Variants in PAPPA observed in about 807,000 individuals in gnomAD.
The protein encoded by PAPPA is pappalysin-1.
A neutral mutation model predicts 164.0 loss-of-function variants in PAPPA; 60 were observed. The observed-to-expected ratio is 0.37, with a 90% confidence interval of 0.30 to 0.45. The LOEUF (loss-of-function observed/expected upper bound fraction) is 0.45, where lower values mean the gene tolerates loss of function less well. PAPPA is among the 20% of genes least tolerant of loss of function. The pLI is 1.00. For missense variants in PAPPA, 1,782 were observed against 2,087.3 expected (o/e 0.85, Z 2.85); for synonymous variants, 875 against 814.1 (o/e 1.07, Z -1.27).
At chr9:116,290,811 C>A (rs1187263016) in intron 9 of PAPPA, among the ~76,000 whole-genome samples, 2 of 151,798 alleles carry the variant, frequency 1.3e-5, no homozygotes, top group East Asian at 3.9e-4. Context: ...ACACTCTCTG[C>A]ATATCCATGT....
intron 4 of PAPPA, among the ~76,000 whole-genome samples, chr9:116,214,302 A>G (rs1844344589): frequency 6.6e-6 from 1 of 152,174 alleles, no homozygotes; most frequent in Non-Finnish European, 1.5e-5. Flanking sequence ...TACGTGTGAC[A>G]TGCCGGACAC....
intron 7 of PAPPA, among the ~76,000 whole-genome samples, chr9:116,259,445 A>G (rs1844975224): frequency 6.6e-6 from 1 of 152,158 alleles, no homozygotes; most frequent in Non-Finnish European, 1.5e-5. Context: ...ATACTTATGT[A>G]TTAATATAGA....
rs546894256 is a variant in PAPPA at position 116,288,294 on chromosome 9, G to A, written c.2954-14463G>A. On this transcript the variant is annotated intron_variant, in intron 9 of 21. Transcript: ENST00000328252. The stretch of plus-strand genomic sequence containing the variant: ...TGAGGCAAGAGAATCGCTTGAACCC[G>A]AGAGGCAGAGGTTGCAGTGAGCCAA... Among the ~76,000 whole-genome samples, 13 of 152,138 alleles carry A rather than the reference G, an allele frequency of 8.5e-5. No homozygotes were observed. In the East Asian group the frequency reaches 1.2e-3, roughly 14 times the overall value.
At chr9:116,302,629 G>A (rs1019054078) in intron 9 of PAPPA, 128 bp from the exon 10 acceptor site, 56 of 642,000 alleles carry the variant, frequency 8.7e-5, no homozygotes, top group Middle Eastern at 6.6e-4. Flanking sequence ...ATAGTCCATC[G>A]TGACTAATGT....
chr9:116,375,395 A>C (rs1289769553), intron 19 of PAPPA, among the ~76,000 whole-genome samples: 3 of 152,244 alleles, frequency 2.0e-5, no homozygotes, highest in South Asian at 2.1e-4. Context: ...TAGTGGCTAC[A>C]TTCAGCCTAT....
chr9:116,360,354 C>T (rs1221514936), intron 17 of PAPPA, among the ~76,000 whole-genome samples: 3 of 152,120 alleles, frequency 2.0e-5, no homozygotes, highest in African/African-American at 2.4e-5. Context: ...CTCTGCAAGC[C>T]GCCTTGCAGC....
rs73530063 is a variant in PAPPA at position 116,282,106 on chromosome 9, C to T, written c.2953+10690C>T. 3.0e-3 allele frequency among the ~76,000 whole-genome samples: 457 copies of T among 152,258 alleles called. 2 individuals carry two copies. Among genetic ancestry groups the T allele is most frequent in the African/African-American group, 0.01 (431 of 41,544 alleles). On this transcript the variant is annotated intron_variant, in intron 9 of 21. Coordinates refer to ENST00000328252, the MANE Select transcript of PAPPA (RefSeq NM_002581.5). ...ACAGTCATCCCTCAGTATCCTTGGGCGATTTCTGCCAGGACCTCTGTGAAC... is the reference window on the plus strand; with the variant it reads ...ACAGTCATCCCTCAGTATCCTTGGGTGATTTCTGCCAGGACCTCTGTGAAC...
intron 9 of PAPPA, among the ~76,000 whole-genome samples, chr9:116,292,769 T>G (rs1191723370): frequency 6.6e-6 from 1 of 152,162 alleles, no homozygotes; most frequent in Non-Finnish European, 1.5e-5. Flanking sequence ...GGTTTTAAAA[T>G]TTTTATTTAG....
At chr9:116,171,028 T>C (rs572917816) in intron 1 of PAPPA, among the ~76,000 whole-genome samples, 1 of 152,232 alleles carries the variant, frequency 6.6e-6, no homozygotes, top group Admixed American at 6.5e-5. Flanking sequence ...GGTAGTGCTC[T>C]GAGTCTGGAT....
At position 116,332,330 on chromosome 9, in the gene PAPPA, C is replaced by T; in HGVS notation, c.3262-3C>T. ...TGACCCTCCTACGTCTTCACAATTT[C>T]AGGCGTATTTTTCTCAACCAATGGT... is the stretch of plus-strand genomic sequence containing the variant. On this transcript the variant is annotated splice_region_variant and splice_polypyrimidine_tract_variant and intron_variant, in intron 11 of 21. Coordinates refer to ENST00000328252, the MANE Select transcript of PAPPA (RefSeq NM_002581.5). The T allele has an allele frequency of 6.2e-7, 1 of 1,611,810 alleles. No homozygotes were observed. Among genetic ancestry groups the T allele is most frequent in the South Asian group, 1.1e-5 (1 of 90,984 alleles).
chr9:116,229,346 C>G (rs551145898), intron 6 of PAPPA, among the ~76,000 whole-genome samples: 1 of 152,330 alleles, frequency 6.6e-6, no homozygotes, highest in South Asian at 2.1e-4. Context: ...TTTTTCCACT[C>G]TCATTCTCTC....
At chr9:116,320,194 A>G (rs886690957) in intron 10 of PAPPA, among the ~76,000 whole-genome samples, 3 of 151,924 alleles carry the variant, frequency 2.0e-5, no homozygotes, top group African/African-American at 7.3e-5. Flanking sequence ...CTTTTCCTCC[A>G]TGATCATTTG....
chr9:116,239,815 C>G (rs1437822005), intron 7 of PAPPA, among the ~76,000 whole-genome samples: 6 of 152,072 alleles, frequency 3.9e-5, no homozygotes, highest in Non-Finnish European at 8.8e-5. Flanking sequence ...AGAAATGCAT[C>G]CAATCTGGCC....
Position 116,235,374 on chromosome 9 carries a change from G to A in PAPPA, c.2469G>A (p.Gly823=), listed in dbSNP as rs760421246. The change falls in exon 7 of 22, where the codon GGG becomes GGA. Residue 823 remains glycine, a synonymous_variant. Coordinates refer to ENST00000328252, the MANE Select transcript of PAPPA (RefSeq NM_002581.5). ...ACATCAAACTGTTGGCTGTCAGTGG[G>A]AAGAACATCTCCCTGGGTCCTCAGA... The part of the protein sequence containing the change: ...VNDIKLLAVS[G]KNISLGPQNV... The A allele has an allele frequency of 2.7e-5, 43 of 1,613,950 alleles. No homozygotes were observed. The highest frequency in any genetic ancestry group is 3.6e-5 in the Non-Finnish European group (43 of 1,179,992).
At chr9:116,304,626 C>T (rs1440149308) in intron 10 of PAPPA, among the ~76,000 whole-genome samples, 1 of 152,124 alleles carries the variant, frequency 6.6e-6, no homozygotes, top group African/African-American at 2.4e-5. Flanking sequence ...AAAGAATTTT[C>T]CAGTCTTAGC....
rs77145468 is a variant in PAPPA at position 116,154,060 on chromosome 9, G to T, written c.-113G>T. 0.038 allele frequency: 43,605 copies of T among 1,143,948 alleles called. 977 individuals carry two copies. The highest frequency in any genetic ancestry group is 0.071 in the Middle Eastern group (174 of 2,446). The allele number at this position is 1,143,948 out of a possible 1,614,324, so 70.9% of individuals were successfully genotyped here. A position where few individuals can be genotyped will look rare whatever the true frequency, so the allele number is the denominator to read the frequency against. ...AAGAAAAAAGCAAGTGGAAAGGGGG[G>T]CTCGCCCAAGAAGGGTGAAGAAGCG... On this transcript the variant is annotated 5_prime_UTR_variant, in exon 1 of 22. Coordinates refer to ENST00000328252, the MANE Select transcript of PAPPA (RefSeq NM_002581.5). This position sits in a 1 kb window ranked among gnomAD's most constrained non-coding sequence, Gnocchi z 5.2.
Position 116,187,082 on chromosome 9 carries a change from G to T in PAPPA, c.416-72G>T. 1 of 1,106,124 alleles carries T rather than the reference G, an allele frequency of 9.0e-7. No individual in the cohort carries two copies. 68.5% of individuals were successfully genotyped at this position (1,106,124 alleles called of 1,614,324 possible). A position where few individuals can be genotyped will look rare whatever the true frequency, so the allele number is the denominator to read the frequency against. On this transcript the variant is annotated intron_variant, in intron 1 of 21. Transcript: ENST00000328252. The surrounding 1 kb of genome is among the most constrained non-coding windows in gnomAD (Gnocchi z 4.2). ...GGATAACCTGATACAAATTTTATTA[G>T]AGAAAAATAACTTAACCCCCCCTCC...
chr9:116,247,961 A>G (rs895815609), intron 7 of PAPPA, among the ~76,000 whole-genome samples: 4 of 152,194 alleles, frequency 2.6e-5, no homozygotes, highest in African/African-American at 9.7e-5. Context: ...TGGTGGGAAA[A>G]ACTGATAAGA....
At chr9:116,344,884 G>C (rs969877887) in intron 14 of PAPPA, among the ~76,000 whole-genome samples, 173 bp downstream of exon 14, 45 of 152,186 alleles carry the variant, frequency 3.0e-4, no homozygotes, top group African/African-American at 1.1e-3. Context: ...AATTAACCAA[G>C]CAAGCAGTCT....
Sources: allele counts gnomAD v4.1 joint callset (sites outside exome capture counted in the v4.1 genomes callset), GRCh38; gene constraint gnomAD v4.1.1; non-coding constraint Gnocchi (gnomAD v3.1); transcripts MANE v1.5; gene names NCBI Gene and HGNC (gene_info 2026-07-23, HGNC 2026-07-21).